SPATC1: variants seen among roughly 807,000 people sequenced by gnomAD.
The protein encoded by SPATC1 is spermatogenesis and centriole associated 1.
Under a neutral mutation model 36.5 loss-of-function variants are expected in SPATC1, and 35 were observed. That is an observed-to-expected ratio of 0.96 (90% CI 0.73 to 1.27). The LOEUF (loss-of-function observed/expected upper bound fraction) is 1.27, where lower values mean the gene tolerates loss of function less well. Ranked by LOEUF, SPATC1 falls within the 50% of genes most tolerant of loss-of-function variation. The pLI is 0.00. For missense variants in SPATC1, 779 were observed against 796.0 expected, an observed-to-expected ratio of 0.98 and a Z score of 0.26; for synonymous variants, 361 against 353.6, an observed-to-expected ratio of 1.02 and a Z score of -0.24.
chr8:144,024,511 C>G (rs1475698207), intron 1 of SPATC1, among the ~76,000 whole-genome samples: 1 of 142,054 alleles, frequency 7.0e-6, no homozygotes, highest in African/African-American at 2.6e-5. Flanking sequence ...CCTTGGGATC[C>G]TCTCCCCTCA....
rs1203514500 is a variant in SPATC1, at chr8:144,012,349, G to A, written c.-167G>A. ...GGAGAGCTGAGGGTGTTAGAGCAGAGAGGGCAAGGAAGAGGGCACAGCCTC... is the reference window on the plus strand; with the variant it reads ...GGAGAGCTGAGGGTGTTAGAGCAGAAAGGGCAAGGAAGAGGGCACAGCCTC... On this transcript the variant is annotated 5_prime_UTR_variant, in exon 1 of 5. Coordinates refer to ENST00000377470, the MANE Select transcript of SPATC1 (RefSeq NM_198572.3). 1 of 622,320 alleles carries A rather than the reference G, an allele frequency of 1.6e-6. No homozygotes were observed. The highest frequency in any genetic ancestry group is 2.9e-6 in the Non-Finnish European group (1 of 350,498). The allele number at this position is 622,320 out of a possible 1,614,324, so 38.5% of individuals were successfully genotyped here. A position where few individuals can be genotyped will look rare whatever the true frequency, so the allele number is the denominator to read the frequency against.
chr8:144,037,684 T>A (rs1331577820), intron 1 of SPATC1, among the ~76,000 whole-genome samples: 2 of 150,406 alleles, frequency 1.3e-5, no homozygotes, highest in Non-Finnish European at 3.0e-5. Flanking sequence ...GGCCGCAGGG[T>A]CCTCTGCCTA....
intron 1 of SPATC1, among the ~76,000 whole-genome samples, chr8:144,034,743 T>G (rs1249819836): frequency 1.3e-5 from 2 of 152,052 alleles, no homozygotes; most frequent in Non-Finnish European, 2.9e-5. Context: ...TGCCCCAGGT[T>G]CCCGAGTACC....
chr8:144,043,772 G>T (rs1456907429), intron 4 of SPATC1, among the ~76,000 whole-genome samples: 9 of 142,792 alleles, frequency 6.3e-5, no homozygotes, highest in Non-Finnish European at 1.1e-4. Flanking sequence ...GGATTGATTT[G>T]TAATGCGCCC....
rs1457833676 is a variant in SPATC1 at position 144,040,987 on chromosome 8, C to T, written c.1186C>T (p.Pro396Ser). Residue 396 changes from proline (P) to serine (S), a missense_variant, in exon 3 of 5, where the codon CCG becomes TCG. Transcript: ENST00000377470. ...CTCCCCACCTCGTACCTCATCCTCCCCGGCTTCAGTCAATGACTCTCGAGG... is the reference window on the plus strand; with the variant it reads ...CTCCCCACCTCGTACCTCATCCTCCTCGGCTTCAGTCAATGACTCTCGAGG... ...AHSPPRTSSS[P>S]ASVNDSRGPR... 6.2e-7 allele frequency: 1 copy of T among 1,612,352 alleles called. No individual in the cohort carries two copies. The highest frequency in any genetic ancestry group is 1.7e-5 in the Admixed American group (1 of 59,936).
chr8:144,044,978 G>A (rs115016549), intron 4 of SPATC1, among the ~76,000 whole-genome samples: 2,850 of 152,306 alleles, frequency 0.019, 81 homozygotes, highest in African/African-American at 0.064. Context: ...ACAACTCGCT[G>A]CATTGAGATG....
chr8:144,045,535 T>C lies in SPATC1; in HGVS notation c.1447-1092T>C, dbSNP rs977327097. On this transcript the variant is annotated intron_variant, in intron 4 of 4. Transcript: ENST00000377470. The surrounding 1 kb of genome is among the most constrained non-coding windows in gnomAD (Gnocchi z 5.2). Reference sequence around the variant, plus strand: ...CAGCCATCTGGGACACAGCAGGACATAGCTGGAAGAGGGGTGCAGGGACAG... The same window carrying C: ...CAGCCATCTGGGACACAGCAGGACACAGCTGGAAGAGGGGTGCAGGGACAG... 3.9e-5 allele frequency among the ~76,000 whole-genome samples: 6 copies of C among 152,204 alleles called. No homozygotes were observed. Among genetic ancestry groups the C allele is most frequent in the South Asian group, 4.1e-4 (2 of 4,826 alleles).
In SPATC1 at chr8:144,028,973, G is replaced by A. The variant is rs923811841; in HGVS notation, c.212-10936G>A. Among the ~76,000 whole-genome samples, 142 of 152,146 alleles carry A rather than the reference G, an allele frequency of 9.3e-4. 1 individual carries two copies. Among genetic ancestry groups the A allele is most frequent in the African/African-American group, 3.2e-3 (134 of 41,526 alleles). On this transcript the variant is annotated intron_variant, in intron 1 of 4. Coordinates refer to ENST00000377470, the MANE Select transcript of SPATC1 (RefSeq NM_198572.3). ...GGAACAGGAAAGCCAAACACTGCAT[G>A]TTCTCACTCACAAATGGGAGCTCAA...
intron 1 of SPATC1, among the ~76,000 whole-genome samples, chr8:144,027,260 C>G (rs1834704038): frequency 6.6e-6 from 1 of 152,168 alleles, no homozygotes; most frequent in African/African-American, 2.4e-5. Flanking sequence ...AGGCATGAGC[C>G]ATCCTGCCCA....
Position 144,040,895 on chromosome 8 carries a change from C to G in SPATC1, c.1094C>G (p.Pro365Arg). 2 of 1,591,014 alleles carry G rather than the reference C, an allele frequency of 1.3e-6. No homozygotes were observed. Among genetic ancestry groups the G allele is most frequent in the Non-Finnish European group, 8.6e-7 (1 of 1,166,886 alleles). The change falls in exon 3 of 5, where the codon CCT becomes CGT. Residue 365 changes from proline to arginine, a missense_variant. Transcript: ENST00000377470. ...THIAQGAPHPPSRMHNSPTQN... is the reference protein window; with the variant it reads ...THIAQGAPHPRSRMHNSPTQN... ...ATCGCCCAGGGTGCCCCCCATCCCC[C>G]TTCCCGAATGCATAATTCCCCAACC...
chr8:144,037,208 C>G (rs1834923629), intron 1 of SPATC1, among the ~76,000 whole-genome samples: 1 of 141,730 alleles, frequency 7.1e-6, no homozygotes, highest in Non-Finnish European at 1.5e-5. Context: ...GGGTCAGCCC[C>G]CCGCCCAGCC....
intron 4 of SPATC1, among the ~76,000 whole-genome samples, chr8:144,044,701 C>T (rs1231154317): frequency 1.3e-5 from 2 of 151,804 alleles, no homozygotes; most frequent in Non-Finnish European, 2.9e-5. Flanking sequence ...CATCCCAGCA[C>T]TGTGGGAGGC....
chr8:144,037,959 C>G (rs1834955140), intron 1 of SPATC1, among the ~76,000 whole-genome samples: 1 of 151,096 alleles, frequency 6.6e-6, no homozygotes, highest in African/African-American at 2.4e-5. Flanking sequence ...GAAACCCTGT[C>G]TCTCCTAAAA....
At position 144,034,111 on chromosome 8, in the gene SPATC1, G is replaced by T. The variant is rs1834851582; in HGVS notation, c.212-5798G>T. Among the ~76,000 whole-genome samples the T allele has an allele frequency of 2.0e-5, 3 of 152,264 alleles. No individual in the cohort carries two copies. In the South Asian group the frequency reaches 6.2e-4, roughly 31 times the overall value. On this transcript the variant is annotated intron_variant, in intron 1 of 4. Coordinates refer to ENST00000377470, the MANE Select transcript of SPATC1 (RefSeq NM_198572.3). ...CTTCTGCAGTTGGCCTGTTTACAGG[G>T]CCCTGCCCAGTTGACCACAAAGGCC... is the stretch of plus-strand genomic sequence containing the variant.
At chr8:144,019,292 G>A (rs1834456552) in intron 1 of SPATC1, among the ~76,000 whole-genome samples, 1 of 152,210 alleles carries the variant, frequency 6.6e-6, no homozygotes, top group Non-Finnish European at 1.5e-5. Flanking sequence ...TGAGAGCGCA[G>A]CCAAAACCAG....
At chr8:144,043,893 CG>C (rs1423114741) in intron 4 of SPATC1, among the ~76,000 whole-genome samples, 2 of 152,290 alleles carry the variant, frequency 1.3e-5, no homozygotes, top group East Asian at 3.9e-4. Context: ...GTGCTGAGCA[CG>C]GGCACACGCC....
intron 1 of SPATC1, among the ~76,000 whole-genome samples, chr8:144,032,368 T>C (rs1360011242): frequency 1.3e-5 from 2 of 151,998 alleles, no homozygotes; most frequent in African/African-American, 4.8e-5. Flanking sequence ...ATCTCCGCCT[T>C]TCGGGTTCAC....
intron 4 of SPATC1, 31 bp downstream of exon 4, chr8:144,041,402 G>A (rs1835096579): frequency 6.3e-7 from 1 of 1,599,078 alleles, no homozygotes; most frequent in East Asian, 2.2e-5. Flanking sequence ...CAGGGACAGG[G>A]GGCAGGTTGG....
In SPATC1 at chr8:144,041,325, G is replaced by A. The variant is rs376442587; in HGVS notation, c.1400G>A (p.Arg467Gln). The A allele has an allele frequency of 2.0e-5, 33 of 1,612,456 alleles. No homozygotes were observed. The highest frequency in any genetic ancestry group is 4.0e-5 in the African/African-American group (3 of 74,942). Residue 467 changes from arginine to glutamine, a missense_variant, in exon 4 of 5, where the codon CGG becomes CAG. Coordinates refer to ENST00000377470, the MANE Select transcript of SPATC1 (RefSeq NM_198572.3). ...TCCAGCATCTTCCCAGAGCGCGTAC[G>A]GCTCTACGGCTTCACTGTCTCCAAC... is the stretch of plus-strand genomic sequence containing the variant. ...ILSSIFPERV[R>Q]LYGFTVSNIP...
Sources: allele counts gnomAD v4.1 joint callset (sites outside exome capture counted in the v4.1 genomes callset), GRCh38; gene constraint gnomAD v4.1.1; non-coding constraint Gnocchi (gnomAD v3.1); transcripts MANE v1.5; gene names NCBI Gene and HGNC (gene_info 2026-07-23, HGNC 2026-07-21).